RSPO2: variants seen among roughly 807,000 people sequenced by gnomAD.
RSPO2 encodes R-spondin 2.
RSPO2 carries 14 observed loss-of-function variants against 30.9 expected under a neutral mutation model. The observed-to-expected ratio is 0.45, with a 90% CI of 0.30 to 0.71. The LOEUF is 0.71. Among genes scored for constraint, RSPO2 ranks in the 30% least tolerant of loss-of-function variants. The pLI is 0.08. For missense variants in RSPO2, 264 were observed against 301.9 expected, an observed-to-expected ratio of 0.87 and a Z score of 0.93; for synonymous variants, 107 against 96.4, an observed-to-expected ratio of 1.11 and a Z score of -0.64.
chr8:108,035,403 T>A (rs1001324035), intron 2 of RSPO2, among the ~76,000 whole-genome samples: 1 of 152,216 alleles, frequency 6.6e-6, no homozygotes, highest in African/African-American at 2.4e-5. Flanking sequence ...AGCACAAATT[T>A]ATAGTGACTG....
chr8:108,007,200 C>T (rs1037960875), intron 2 of RSPO2, among the ~76,000 whole-genome samples: 2 of 152,046 alleles, frequency 1.3e-5, no homozygotes, highest in African/African-American at 4.8e-5. Context: ...CTATTTTTTG[C>T]CTCTGTTGAC....
intron 5 of RSPO2, among the ~76,000 whole-genome samples, chr8:107,920,660 G>A (rs746200006): frequency 3.3e-5 from 5 of 152,124 alleles, no homozygotes; most frequent in Non-Finnish European, 5.9e-5. Flanking sequence ...CTAAAATCAT[G>A]AGTGTTTCCC....
chr8:107,974,810 C>A (rs1197329863), intron 3 of RSPO2, among the ~76,000 whole-genome samples: 3 of 151,122 alleles, frequency 2.0e-5, no homozygotes, highest in Non-Finnish European at 4.4e-5. Flanking sequence ...ATCTACCTGA[C>A]AAAGGTCATG....
chr8:108,008,787 C>CAAAA (rs71308768), intron 2 of RSPO2, among the ~76,000 whole-genome samples: 23,527 of 123,332 alleles, frequency 0.19, 2,435 homozygotes, highest in Middle Eastern at 0.33. Context: ...TCATAAACTG[C>CAAAA]AAAAAAAAAA....
chr8:107,952,538 C>T (rs1256559796), intron 5 of RSPO2, among the ~76,000 whole-genome samples: 1 of 152,170 alleles, frequency 6.6e-6, no homozygotes, highest in African/African-American at 2.4e-5. Context: ...AAGAGGTTCT[C>T]TCTTATCTCC....
intron 2 of RSPO2, chr8:107,989,457 C>G (rs1814773779): frequency 2.0e-6 from 1 of 491,878 alleles, no homozygotes; most frequent in African/African-American, 2.0e-5. Flanking sequence ...AACTCAGAGG[C>G]AGAGTTGAGG....
chr8:108,063,392 CAA>C (rs1812542752), intron 2 of RSPO2, among the ~76,000 whole-genome samples: 2 of 151,724 alleles, frequency 1.3e-5, no homozygotes, highest in Admixed American at 6.6e-5. Flanking sequence ...CAATAACAGA[CAA>C]AAAGAGAGCC....
chr8:107,968,166 A>G (rs188615597), intron 3 of RSPO2, among the ~76,000 whole-genome samples: 1 of 152,276 alleles, frequency 6.6e-6, no homozygotes, highest in East Asian at 1.9e-4. Flanking sequence ...AGCACTATTT[A>G]TAATAGCCAA....
At chr8:108,023,100 G>A (rs1195306274) in intron 2 of RSPO2, among the ~76,000 whole-genome samples, 1 of 151,948 alleles carries the variant, frequency 6.6e-6, no homozygotes, top group Admixed American at 6.6e-5. Context: ...AGCGATAGAG[G>A]GAGATTCATT....
At chr8:108,029,165 G>GT in intron 2 of RSPO2, among the ~76,000 whole-genome samples, 1 of 128,788 alleles carries the variant, frequency 7.8e-6, no homozygotes, top group South Asian at 2.5e-4. Context: ...CCCACCACAT[G>GT]TTTTTAAGTA....
chr8:108,048,559 CTCTTT>C (rs368019944), intron 2 of RSPO2, among the ~76,000 whole-genome samples: 1,755 of 152,076 alleles, frequency 0.012, 35 homozygotes, highest in African/African-American at 0.04. Context: ...TGATTCTTCT[CTCTTT>C]TCTTTTTAGT....
intron 2 of RSPO2, among the ~76,000 whole-genome samples, chr8:107,992,847 A>C (rs1814891048): frequency 6.6e-6 from 1 of 152,228 alleles, no homozygotes; most frequent in East Asian, 1.9e-4. Flanking sequence ...TAATTCTATA[A>C]GCAGTTATAG....
intron 2 of RSPO2, among the ~76,000 whole-genome samples, chr8:108,052,712 C>A (rs1300786969): frequency 3.9e-5 from 6 of 152,114 alleles, no homozygotes; most frequent in Admixed American, 1.3e-4. Flanking sequence ...AAATTATAAA[C>A]TAGATAACTA....
chr8:108,054,495 T>C (rs1322320710), intron 2 of RSPO2, among the ~76,000 whole-genome samples: 2 of 152,098 alleles, frequency 1.3e-5, no homozygotes, highest in Non-Finnish European at 2.9e-5. Flanking sequence ...CCACATTCCA[T>C]GAGTCAAAAC....
chr8:108,020,334 C>T (rs750357202), intron 2 of RSPO2, among the ~76,000 whole-genome samples: 4 of 152,146 alleles, frequency 2.6e-5, no homozygotes, highest in Non-Finnish European at 5.9e-5. Context: ...TTCATGCTCC[C>T]AACTCTCACA....
chr8:108,082,510 A>C, intron 2 of RSPO2, 35 bp downstream of exon 2: 1 of 1,555,246 alleles, frequency 6.4e-7, no homozygotes. Context: ...CCACCCCTGA[A>C]GCCCACCACG....
At chr8:107,928,660 T>G (rs2130337260) in intron 5 of RSPO2, among the ~76,000 whole-genome samples, 1 of 152,316 alleles carries the variant, frequency 6.6e-6, no homozygotes, top group Non-Finnish European at 1.5e-5. Flanking sequence ...GAACATGCTC[T>G]TTGGAGACTG....
intron 2 of RSPO2, among the ~76,000 whole-genome samples, chr8:108,017,405 T>C (rs1342624800): frequency 1.3e-5 from 2 of 152,174 alleles, no homozygotes; most frequent in Non-Finnish European, 1.5e-5. Flanking sequence ...AAAATGACAA[T>C]ATAACTCTAC....
chr8:107,949,514 A>G (rs996621745), intron 5 of RSPO2, among the ~76,000 whole-genome samples: 9 of 152,196 alleles, frequency 5.9e-5, no homozygotes, highest in African/African-American at 1.9e-4. Context: ...AAGGCATTCA[A>G]TATTCACCAA....
Sources: allele counts gnomAD v4.1 joint callset (sites outside exome capture counted in the v4.1 genomes callset), GRCh38; gene constraint gnomAD v4.1.1; transcripts MANE v1.5; gene names NCBI Gene and HGNC (gene_info 2026-07-23, HGNC 2026-07-21).